The following LITAF variants were observed in gnomAD, a reference collection of about 807,000 sequenced individuals.
LITAF encodes the protein lipopolysaccharide induced TNF factor, also known as lipopolysaccharide-induced tumor necrosis factor-alpha factor.
In LITAF, 9 loss-of-function variants were observed where a neutral mutation model predicts 14.5. That is an observed-to-expected ratio of 0.62 (90% CI 0.37 to 1.08). LITAF has a LOEUF of 1.08. LITAF is among the 50% of genes least tolerant of loss of function. The pLI is 0.01. For missense variants in LITAF, 206 were observed against 213.4 expected (o/e 0.97, Z 0.22); for synonymous variants, 98 against 88.2 (o/e 1.11, Z -0.62).
chr16:11,617,911 C>T lies in LITAF; in HGVS notation c.85+15622G>A, dbSNP rs151292475. ...TTTGAGACAGGGTCTCACTCTGTCA[C>T]ACAGGCTGGAATGTAGCAGCTCGAA... is the stretch of plus-strand genomic sequence containing the variant. On this transcript the variant is annotated intron_variant, in intron 3 of 3. Coordinates refer to the LITAF transcript ENST00000574848. Among the ~76,000 whole-genome samples, 1,091 of 152,202 alleles carry T rather than the reference C, an allele frequency of 7.2e-3. 7 individuals carry two copies. The highest frequency in any genetic ancestry group is 0.013 in the Non-Finnish European group (882 of 68,016).
intron 1 of LITAF, among the ~76,000 whole-genome samples, chr16:11,577,359 C>T (rs2141819045): frequency 6.7e-6 from 1 of 148,552 alleles, no homozygotes; most frequent in Middle Eastern, 3.7e-3. Flanking sequence ...CCTCTGTTGC[C>T]CAGGCTGGAG....
At chr16:11,637,026 G>C (rs755663339), upstream of LITAF, among the ~76,000 whole-genome samples, 11 of 151,898 alleles carry the variant, frequency 7.2e-5, no homozygotes, top group Non-Finnish European at 1.3e-4. Flanking sequence ...CACACCACCA[G>C]CGTGCTCATC....
At chr16:11,577,237 T>G (rs1450998674) in intron 1 of LITAF, among the ~76,000 whole-genome samples, 1 of 152,104 alleles carries the variant, frequency 6.6e-6, no homozygotes, top group Non-Finnish European at 1.5e-5. Context: ...CTTGCACAGC[T>G]GAGGTCTCCT....
At chr16:11,637,832 G>A (rs1395387136), upstream of LITAF, among the ~76,000 whole-genome samples, 1 of 144,822 alleles carries the variant, frequency 6.9e-6, no homozygotes. Flanking sequence ...AATGAGCCAT[G>A]ATTGTGCCAC....
In LITAF at chr16:11,632,559, C is replaced by T. The variant is rs760505358; in HGVS notation, c.85+974G>A. On this transcript the variant is annotated intron_variant, in intron 3 of 3. Transcript: ENST00000574848. The surrounding 1 kb of genome is among the most constrained non-coding windows in gnomAD (Gnocchi z 4.8). ...CCCAGAGCAGATCACTGCCAGCCGG[C>T]CCCTGTGGGCTCTTTGGCCTGCGCT... is the stretch of plus-strand genomic sequence containing the variant. Among the ~76,000 whole-genome samples the T allele has an allele frequency of 6.6e-6, 1 of 152,252 alleles. No homozygotes were observed. Among genetic ancestry groups the T allele is most frequent in the Non-Finnish European group, 1.5e-5 (1 of 68,036 alleles).
chr16:11,556,090 G>C (rs1162439672), intron 2 of LITAF, among the ~76,000 whole-genome samples: 1 of 152,228 alleles, frequency 6.6e-6, no homozygotes, highest in Non-Finnish European at 1.5e-5. Flanking sequence ...TTGAGGGTGA[G>C]CTGGTATGAA....
intron 3 of LITAF, among the ~76,000 whole-genome samples, chr16:11,615,880 C>A (rs182780281): frequency 1.3e-3 from 194 of 152,196 alleles, no homozygotes; most frequent in Non-Finnish European, 2.2e-3. Context: ...ACCTAGATAG[C>A]TTTGGAATGC....
rs1039034041 is a variant in LITAF, at chr16:11,563,518, C to G, written c.-5-6783G>C. Among the ~76,000 whole-genome samples, 6 of 152,222 alleles carry G rather than the reference C, an allele frequency of 3.9e-5. No homozygotes were observed. The East Asian group carries it at 1.2e-3, about 29-fold the overall frequency. On this transcript the variant is annotated intron_variant, in intron 1 of 3. Transcript: ENST00000622633. ...CCTCAGTGGAAGCAACACATTTGAA[C>G]TCTGGAGGGATCACCTCTCTTTCTG...
chr16:11,634,355 C>T lies in LITAF; in HGVS notation c.-20-718G>A, dbSNP rs2065130191. Among the ~76,000 whole-genome samples, 1 of 152,124 alleles carries T rather than the reference C, an allele frequency of 6.6e-6. No individual in the cohort carries two copies. The highest frequency in any genetic ancestry group is 1.5e-5 in the Non-Finnish European group (1 of 68,020). On this transcript the variant is annotated intron_variant, in intron 2 of 3. Transcript: ENST00000574848. The surrounding 1 kb of genome is among the most constrained non-coding windows in gnomAD (Gnocchi z 4.1). The stretch of plus-strand genomic sequence containing the variant: ...TGTACAGTTTAATGATAATGATTCC[C>T]TTCCCCAAAACTCAACCGCCTTTGT...
intron 2 of LITAF, among the ~76,000 whole-genome samples, chr16:11,556,117 G>C (rs1048193019): frequency 6.6e-6 from 1 of 152,176 alleles, no homozygotes; most frequent in African/African-American, 2.4e-5. Flanking sequence ...ATCACACATT[G>C]CTCAGGACGG....
chr16:11,624,160 G>A (rs146113531), intron 3 of LITAF, among the ~76,000 whole-genome samples: 257 of 152,132 alleles, frequency 1.7e-3, no homozygotes, highest in African/African-American at 5.3e-3. Context: ...CTCTCTCTCC[G>A]TCTCTTGCCT....
At chr16:11,615,324 G>A (rs752589788) in intron 3 of LITAF, among the ~76,000 whole-genome samples, 23 of 152,166 alleles carry the variant, frequency 1.5e-4, no homozygotes, top group Admixed American at 1.0e-3. Context: ...ATCACCTGAG[G>A]TCAGGAGTTC....
intron 3 of LITAF, among the ~76,000 whole-genome samples, chr16:11,626,484 C>A (rs190835468): frequency 6.6e-6 from 1 of 152,224 alleles, no homozygotes; most frequent in East Asian, 1.9e-4. Flanking sequence ...GCTGGGACTA[C>A]AGGCAGGCAT....
intron 1 of LITAF, among the ~76,000 whole-genome samples, chr16:11,597,557 A>G (rs1410940790): frequency 6.6e-6 from 1 of 152,182 alleles, no homozygotes; most frequent in Non-Finnish European, 1.5e-5. Context: ...AGCACATGGC[A>G]GCAGTAGGAT....
intron 1 of LITAF, among the ~76,000 whole-genome samples, chr16:11,557,106 A>C (rs927698642): frequency 1.3e-5 from 2 of 148,722 alleles, no homozygotes; most frequent in Admixed American, 6.7e-5. Flanking sequence ...TGGTTTTTAA[A>C]CCACTGTGGT....
At chr16:11,557,211 T>G (rs117272211) in intron 1 of LITAF, among the ~76,000 whole-genome samples, 3,575 of 152,086 alleles carry the variant, frequency 0.024, 67 homozygotes, top group Non-Finnish European at 0.032. Flanking sequence ...TGCCACAAAA[T>G]GCACACTGTA....
chr16:11,549,590 G>T lies in LITAF; in HGVS notation c.*47C>A. 1 of 1,433,788 alleles carries T rather than the reference G, an allele frequency of 7.0e-7. No homozygotes were observed. The highest frequency in any genetic ancestry group is 1.4e-5 in the African/African-American group (1 of 71,244). The allele number at this position is 1,433,788 out of a possible 1,614,324, so 88.8% of individuals were successfully genotyped here. On this transcript the variant is annotated 3_prime_UTR_variant, in exon 4 of 4. Transcript: ENST00000622633. The surrounding 1 kb of genome is among the most constrained non-coding windows in gnomAD (Gnocchi z 4.6). The stretch of plus-strand genomic sequence containing the variant: ...CAGGCGTGAAGCTGGATGAGAGGTG[G>T]AAAGGACTTCCTGCGGCACCCGGCT...
At chr16:11,556,428 G>A (rs774933386) in intron 2 of LITAF, 83 bp downstream of exon 2, 26 of 1,218,852 alleles carry the variant, frequency 2.1e-5, no homozygotes, top group Non-Finnish European at 2.8e-5. Context: ...TAGACTCTTT[G>A]GCAGAGTCAC....
chr16:11,581,372 G>C (rs181459117), intron 1 of LITAF, among the ~76,000 whole-genome samples: 1 of 152,308 alleles, frequency 6.6e-6, no homozygotes, highest in African/African-American at 2.4e-5. Context: ...GAGTGCTTTG[G>C]GGTGAGGCTC....
Sources: allele counts gnomAD v4.1 joint callset (sites outside exome capture counted in the v4.1 genomes callset), GRCh38; gene constraint gnomAD v4.1.1; non-coding constraint Gnocchi (gnomAD v3.1); transcripts MANE v1.5; gene names NCBI Gene and HGNC (gene_info 2026-07-23, HGNC 2026-07-21).